The following ADAMTS16 variants were observed in gnomAD, a reference collection of about 807,000 sequenced individuals.
ADAMTS16 encodes the protein A disintegrin and metalloproteinase with thrombospondin motifs 16.
In ADAMTS16, 94 loss-of-function variants were observed where a neutral mutation model predicts 145.8. The ratio of observed to expected loss-of-function variants is 0.64; its 90% CI spans 0.55 to 0.77. The LOEUF (loss-of-function observed/expected upper bound fraction) is 0.77, where lower values mean the gene tolerates loss of function less well. Ranked by LOEUF, ADAMTS16 falls within the 30% of genes least tolerant of loss-of-function variation. ADAMTS16 has a pLI of 0.00. For missense variants in ADAMTS16, 1,585 were observed against 1,591.5 expected (o/e 1.00, Z 0.07); for synonymous variants, 659 against 604.3 (o/e 1.09, Z -1.33).
chr5:5,318,404 A>G, intron 22 of ADAMTS16, 123 bp downstream of exon 22: 1 of 1,028,402 alleles, frequency 9.7e-7, no homozygotes, highest in Non-Finnish European at 1.3e-6. Context: ...CTCTCTTTGC[A>G]TCTTCTCCAG....
intron 18 of ADAMTS16, among the ~76,000 whole-genome samples, chr5:5,290,014 ACGGTCATCTCATTAT>A (rs1447658566): frequency 6.6e-6 from 1 of 152,248 alleles, no homozygotes; most frequent in Non-Finnish European, 1.5e-5. Flanking sequence ...GTTTCAGTCT[ACGGTCATCTCATTAT>A]TAGCATGCAA....
rs762837442 is a variant in ADAMTS16, at chr5:5,209,232, C to T, written c.1591C>T (p.Leu531=). ...QFGEKAKLCM[L]DFKKDICKAL... The stretch of plus-strand genomic sequence containing the variant: ...CGGAGAGAAAGCCAAGCTCTGCATG[C>T]TGGACTTTAAAAAGGCAAGTGATTA... The change falls in exon 10 of 23, where the codon CTG becomes TTG. Residue 531 remains leucine, a synonymous_variant. Transcript: ENST00000274181. The T allele has an allele frequency of 1.1e-5, 18 of 1,613,590 alleles. No individual in the cohort carries two copies.
chr5:5,209,383 A>G (rs1736215212), intron 10 of ADAMTS16, 137 bp downstream of exon 10: 10 of 1,026,602 alleles, frequency 9.7e-6, no homozygotes, highest in Admixed American at 2.8e-5. Flanking sequence ...CTGGTCCTGT[A>G]TAACGGGAAA....
At chr5:5,229,145 A>G (rs1211155986) in intron 11 of ADAMTS16, among the ~76,000 whole-genome samples, 2 of 150,640 alleles carry the variant, frequency 1.3e-5, no homozygotes, top group East Asian at 3.9e-4. Flanking sequence ...AAAAATACAA[A>G]AAATTAGCCG....
At chr5:5,151,566 T>C (rs575439122) in intron 3 of ADAMTS16, among the ~76,000 whole-genome samples, 1 of 151,862 alleles carries the variant, frequency 6.6e-6, no homozygotes, top group South Asian at 2.1e-4. Context: ...ATTTTTATCA[T>C]ATATATTTAA....
intron 2 of ADAMTS16, 37 bp downstream of exon 2, chr5:5,140,803 T>C (rs927606763): frequency 4.6e-6 from 7 of 1,506,350 alleles, no homozygotes; most frequent in Admixed American, 4.1e-5. Context: ...ATCCTTGCCA[T>C]TTAGCAGCTC....
In ADAMTS16 at chr5:5,319,072, C is replaced by T. The variant is rs145851675; in HGVS notation, c.3609C>T (p.His1203=). The change falls in exon 23 of 23, where the codon CAC becomes CAT. Residue 1203 remains histidine (H), a synonymous_variant. Transcript: ENST00000274181. The part of the protein sequence containing the change: ...YFHWCYLVPQ[H]GMCSHKFYGK... ...ACTGGTGCTACCTGGTACCCCAGCA[C>T]GGGATGTGCAGCCACAAGTTCTACG... is the stretch of plus-strand genomic sequence containing the variant. The T allele has an allele frequency of 6.3e-3, 10,085 of 1,613,530 alleles. 42 individuals are homozygous for T. Among genetic ancestry groups the T allele is most frequent in the Non-Finnish European group, 7.2e-3 (8,491 of 1,179,822 alleles).
At chr5:5,149,975 A>C (rs1408508621) in intron 3 of ADAMTS16, among the ~76,000 whole-genome samples, 2 of 152,214 alleles carry the variant, frequency 1.3e-5, no homozygotes, top group Non-Finnish European at 2.9e-5. Context: ...GGCTACTGCG[A>C]ATAATGCTGC....
In ADAMTS16 at chr5:5,306,579, C is replaced by G; in HGVS notation, c.3262C>G (p.Arg1088Gly). ...CAEKYVSGKY[R>G]ELASKKCSHL... ...TGAAAAGTATGTTTCTGGAAAGTAT[C>G]GAGAGCTGGCCTCAAAGAAGTGCTC... The change falls in exon 21 of 23, where the codon CGA (arginine) becomes GGA (glycine). Residue 1088 changes from arginine (R) to glycine (G), a missense_variant. Physicochemically the swap from Arg to Gly is moderately radical, Grantham distance 125 (BLOSUM62 -2). This residue lies in a region of ADAMTS16 where 834 missense variants were observed against 811.7 expected (regional missense o/e 1.03). Transcript: ENST00000274181. The G allele has an allele frequency of 6.2e-7, 1 of 1,614,184 alleles. No individual in the cohort carries two copies. The highest frequency in any genetic ancestry group is 8.5e-7 in the Non-Finnish European group (1 of 1,180,040).
intron 10 of ADAMTS16, among the ~76,000 whole-genome samples, chr5:5,217,698 A>G (rs1736475984): frequency 6.6e-6 from 1 of 152,198 alleles, no homozygotes; most frequent in South Asian, 2.1e-4. Context: ...GTTTTTGTGA[A>G]CATAACTCTT....
At chr5:5,208,981 G>A (rs1736202553) in intron 9 of ADAMTS16, 112 bp from the exon 10 acceptor site, 3 of 1,211,790 alleles carry the variant, frequency 2.5e-6, no homozygotes, top group South Asian at 3.6e-5. Context: ...TCTCCTCTTT[G>A]TATACACAAT....
intron 11 of ADAMTS16, among the ~76,000 whole-genome samples, chr5:5,231,998 T>C (rs1736940180): frequency 6.6e-6 from 1 of 152,186 alleles, no homozygotes. Context: ...GAACATGAGA[T>C]GTGAAAAGCA....
At chr5:5,160,026 A>G (rs1734700620) in intron 3 of ADAMTS16, among the ~76,000 whole-genome samples, 1 of 152,198 alleles carries the variant, frequency 6.6e-6, no homozygotes, top group Admixed American at 6.5e-5. Context: ...ATAAATAAAG[A>G]ATGATGGATT....
intron 10 of ADAMTS16, among the ~76,000 whole-genome samples, chr5:5,221,187 A>G (rs1560062): frequency 0.14 from 21,177 of 152,088 alleles, 1,495 homozygotes; most frequent in East Asian, 0.17. Context: ...AGAGCTGGCC[A>G]GTTGTCTGTT....
intron 9 of ADAMTS16, among the ~76,000 whole-genome samples, chr5:5,206,534 C>T (rs1257843511): frequency 4.0e-5 from 6 of 149,808 alleles, no homozygotes; most frequent in African/African-American, 1.5e-4. Context: ...GACTGGAGTG[C>T]AGTGGTATGA....
At chr5:5,174,822 G>A (rs1048429342) in intron 3 of ADAMTS16, among the ~76,000 whole-genome samples, 2 of 152,136 alleles carry the variant, frequency 1.3e-5, no homozygotes, top group African/African-American at 2.4e-5. Flanking sequence ...TTTGTTAAAT[G>A]TATCTGATAG....
At chr5:5,205,373 C>CTCCT (rs1160158220) in intron 9 of ADAMTS16, among the ~76,000 whole-genome samples, 1 of 151,326 alleles carries the variant, frequency 6.6e-6, no homozygotes, top group Non-Finnish European at 1.5e-5. Flanking sequence ...TCCACATGAT[C>CTCCT]TCCTACAAGT....
chr5:5,239,023 G>T (rs1737201895), intron 14 of ADAMTS16, 128 bp from the exon 15 acceptor site: 1 of 1,047,502 alleles, frequency 9.5e-7, no homozygotes, highest in Non-Finnish European at 1.3e-6. Context: ...ATAAATATTT[G>T]TTAACTACCC....
chr5:5,199,849 G>C (rs1009149894), intron 8 of ADAMTS16, among the ~76,000 whole-genome samples: 5 of 152,186 alleles, frequency 3.3e-5, no homozygotes, highest in African/African-American at 1.2e-4. Context: ...TAATCAAGAA[G>C]ATCCCAAGTC....
Sources: gnomAD v4.1 joint callset for allele counts (sites outside exome capture counted in the v4.1 genomes callset) on GRCh38, gnomAD v4.1.1 for gene constraint, gnomAD v4.1.1 regional missense constraint, MANE v1.5 for transcripts, NCBI Gene and HGNC (gene_info 2026-07-23, HGNC 2026-07-21) for gene names.